Variants in ANKMY2 observed in about 807,000 individuals in gnomAD.
ANKMY2 encodes ankyrin repeat and MYND domain containing 2, also known as ankyrin repeat and MYND domain-containing protein 2.
ANKMY2 carries 36 observed loss-of-function variants against 50.4 expected under a neutral mutation model. The observed-to-expected ratio is 0.71, with a 90% CI of 0.55 to 0.94. ANKMY2 has a LOEUF of 0.94. Among genes scored for constraint, ANKMY2 ranks in the 40% least tolerant of loss-of-function variants. The probability of loss-of-function intolerance (pLI) is 0.00; values close to 1 mark genes in which losing one functional copy is unlikely to be tolerated. For synonymous variants in ANKMY2, 187 were observed against 178.8 expected, an observed-to-expected ratio of 1.05 and a Z score of -0.36; for missense variants, 565 against 524.0, an observed-to-expected ratio of 1.08 and a Z score of -0.76.
At chr7:16,617,277 C>T (rs908394808) in intron 4 of ANKMY2, among the ~76,000 whole-genome samples, 4 of 152,130 alleles carry the variant, frequency 2.6e-5, no homozygotes, top group Non-Finnish European at 5.9e-5. Flanking sequence ...TGTCATTTTT[C>T]TCTCTTCTTG....
chr7:16,605,552 C>A (rs1369164506), intron 7 of ANKMY2, among the ~76,000 whole-genome samples: 2 of 151,902 alleles, frequency 1.3e-5, no homozygotes, highest in East Asian at 3.9e-4. Context: ...GCTGGAGGTG[C>A]AGTGGCTCGA....
At chr7:16,607,387 G>T (rs1290407219) in intron 7 of ANKMY2, among the ~76,000 whole-genome samples, 1 of 151,988 alleles carries the variant, frequency 6.6e-6, no homozygotes, top group Non-Finnish European at 1.5e-5. Context: ...CCAACATGGT[G>T]AAAACCCGTC....
chr7:16,614,666 C>A (rs563542), intron 5 of ANKMY2, among the ~76,000 whole-genome samples: 26,199 of 152,132 alleles, frequency 0.17, 2,482 homozygotes, highest in Admixed American at 0.32. Flanking sequence ...TAAGAACTGT[C>A]CACTCATTTT....
At chr7:16,620,591 TACACACACACACAC>T (rs58418780) in intron 4 of ANKMY2, among the ~76,000 whole-genome samples, 4 of 145,510 alleles carry the variant, frequency 2.7e-5, no homozygotes, top group South Asian at 4.4e-4. Flanking sequence ...AATACATGTG[TACACACACACACAC>T]ACACACACAC....
intron 2 of ANKMY2, among the ~76,000 whole-genome samples, chr7:16,631,701 G>A (rs1289501727): frequency 2.0e-5 from 3 of 150,300 alleles, no homozygotes; most frequent in African/African-American, 7.4e-5. Context: ...TGCAACTTCC[G>A]CCTCCAGGGT....
At chr7:16,631,591 C>T (rs1000635720) in intron 2 of ANKMY2, among the ~76,000 whole-genome samples, 2 of 150,778 alleles carry the variant, frequency 1.3e-5, no homozygotes, top group Admixed American at 6.6e-5. Context: ...TTGATTATTC[C>T]AATTATTGAT....
chr7:16,619,444 G>A (rs1324658169), intron 4 of ANKMY2, among the ~76,000 whole-genome samples: 1 of 152,128 alleles, frequency 6.6e-6, no homozygotes, highest in Non-Finnish European at 1.5e-5. Flanking sequence ...GTGAGCTACT[G>A]TGCCCGGCCT....
At chr7:16,625,111 A>G in intron 3 of ANKMY2, 30 bp from the exon 4 acceptor site, 1 of 1,554,830 alleles carries the variant, frequency 6.4e-7, no homozygotes, top group South Asian at 1.1e-5. Flanking sequence ...ACATTTGTTA[A>G]TGTTAAGGAG....
At chr7:16,617,951 A>G (rs1409121938) in intron 4 of ANKMY2, among the ~76,000 whole-genome samples, 2 of 137,642 alleles carry the variant, frequency 1.5e-5, no homozygotes, top group Non-Finnish European at 3.0e-5. Context: ...TGGGTGAGAC[A>G]GAGTCTGGCT....
chr7:16,638,859 C>G (rs1009620743), intron 1 of ANKMY2, among the ~76,000 whole-genome samples: 2 of 55,528 alleles, frequency 3.6e-5, no homozygotes, highest in African/African-American at 1.6e-4. Context: ...ATGCACCTAG[C>G]ACCCCATTGT....
rs1373990745 is a variant in ANKMY2, at chr7:16,624,978, C to G, written c.370+5G>C. 1 of 1,612,506 alleles carries G rather than the reference C, an allele frequency of 6.2e-7. No homozygotes were observed. The highest frequency in any genetic ancestry group is 1.3e-5 in the African/African-American group (1 of 74,832). ...ATCTAATGCAAAACTGCAGCAAAAT[C>G]TCACCCACAAAGGCTGCCATCTGAG... On this transcript the variant is annotated splice_donor_5th_base_variant and intron_variant, in intron 4 of 9. Coordinates refer to ENST00000306999, the MANE Select transcript of ANKMY2 (RefSeq NM_020319.3).
chr7:16,612,910 A>C (rs1487850875), intron 5 of ANKMY2, among the ~76,000 whole-genome samples: 1 of 152,218 alleles, frequency 6.6e-6, no homozygotes, highest in Non-Finnish European at 1.5e-5. Flanking sequence ...TAAAAACTAG[A>C]TAAATTTTTA....
intron 5 of ANKMY2, 61 bp from the exon 6 acceptor site, chr7:16,610,824 G>T (rs112471263): frequency 1.4e-6 from 2 of 1,426,662 alleles, no homozygotes; most frequent in Non-Finnish European, 9.7e-7. Context: ...TACAAATTAG[G>T]TAGTCCATTT....
chr7:16,616,580 C>A (rs529291574), intron 4 of ANKMY2, among the ~76,000 whole-genome samples: 3 of 149,874 alleles, frequency 2.0e-5, no homozygotes, highest in Non-Finnish European at 3.0e-5. Context: ...GCGCCCCCCC[C>A]TCCCTAGCTC....
rs769639760 is a variant in ANKMY2 at position 16,636,401 on chromosome 7, C to T, written c.122G>A (p.Cys41Tyr). 7 of 1,488,526 alleles carry T rather than the reference C, an allele frequency of 4.7e-6. No homozygotes were observed. Among genetic ancestry groups the T allele is most frequent in the Admixed American group, 3.8e-5 (2 of 53,166 alleles). The allele number at this position is 1,488,526 out of a possible 1,614,324, so 92.2% of individuals were successfully genotyped here. A position where few individuals can be genotyped will look rare whatever the true frequency, so the allele number is the denominator to read the frequency against. Reference protein sequence around the residue: ...LLSSKNVRVNCLDENGMTPLM... With the variant: ...LLSSKNVRVNYLDENGMTPLM... Reference sequence around the variant, plus strand: ...CTTCTAAAATCTTACCTCGTCCAAACAGTTGACACGAACATTCTTGCTGGA... The same window carrying T: ...CTTCTAAAATCTTACCTCGTCCAAATAGTTGACACGAACATTCTTGCTGGA... The change falls in exon 2 of 10, where the codon TGT becomes TAT. Residue 41 changes from cysteine to tyrosine, a missense_variant. By Grantham distance (194) the Cys-to-Tyr change is radical. Transcript: ENST00000306999.
At chr7:16,634,751 T>A (rs1781633277) in intron 2 of ANKMY2, among the ~76,000 whole-genome samples, 1 of 152,070 alleles carries the variant, frequency 6.6e-6, no homozygotes, top group African/African-American at 2.4e-5. Flanking sequence ...GACAAGGAAG[T>A]GCCTTAGTTC....
chr7:16,607,517 G>A (rs1383518699), intron 7 of ANKMY2, among the ~76,000 whole-genome samples: 4 of 152,088 alleles, frequency 2.6e-5, no homozygotes, highest in South Asian at 4.2e-4. Flanking sequence ...GTAATGAGCT[G>A]AGATTGCGCC....
At chr7:16,610,036 C>T (rs1781221752) in intron 6 of ANKMY2, among the ~76,000 whole-genome samples, 1 of 152,092 alleles carries the variant, frequency 6.6e-6, no homozygotes, top group South Asian at 2.1e-4. Context: ...TACTTATTAC[C>T]ATGTCAGTTA....
In ANKMY2 at chr7:16,600,731, G is replaced by A; in HGVS notation, c.*30C>T. ...GTTTTCCAGCTTCTTGCAGGGTGAG[G>A]ATCATCCACACTGGCACTTGCTCTG... On this transcript the variant is annotated 3_prime_UTR_variant, in exon 10 of 10. Transcript: ENST00000306999. The A allele has an allele frequency of 6.3e-7, 1 of 1,575,178 alleles. No individual in the cohort carries two copies. Among genetic ancestry groups the A allele is most frequent in the Non-Finnish European group, 8.6e-7 (1 of 1,159,664 alleles).
Sources: allele counts gnomAD v4.1 joint callset (sites outside exome capture counted in the v4.1 genomes callset), GRCh38; gene constraint gnomAD v4.1.1; transcripts MANE v1.5; gene names NCBI Gene and HGNC (gene_info 2026-07-23, HGNC 2026-07-21).